Variants in TSPAN15 observed in about 807,000 individuals in gnomAD.
TSPAN15 encodes the protein tetraspanin 15, also known as tetraspanin-15.
A neutral mutation model predicts 34.5 loss-of-function variants in TSPAN15; 20 were observed. The ratio of observed to expected loss-of-function variants is 0.58; its 90% confidence interval spans 0.41 to 0.84. TSPAN15 has a LOEUF of 0.84. TSPAN15 is among the 40% of genes least tolerant of loss of function. The pLI is 0.00. For synonymous variants in TSPAN15, 155 were observed against 153.9 expected (o/e 1.01, Z -0.05); for missense variants, 313 against 386.1 (o/e 0.81, Z 1.59).
At position 69,507,133 on chromosome 10, in the gene TSPAN15, C is replaced by T; in HGVS notation, c.*155C>T. On this transcript the variant is annotated 3_prime_UTR_variant, in exon 8 of 8. Coordinates refer to ENST00000373290, the MANE Select transcript of TSPAN15 (RefSeq NM_012339.5). ...TGCCTGTGTGTAGGTCCCACGGCCT[C>T]TGCCTCCCCAGGGAGCAGAGCCTGG... The T allele has an allele frequency of 6.9e-7, 1 of 1,448,696 alleles. No homozygotes were observed. Among genetic ancestry groups the T allele is most frequent in the Non-Finnish European group, 9.0e-7 (1 of 1,105,860 alleles). 89.7% of individuals were successfully genotyped at this position (1,448,696 alleles called of 1,614,324 possible).
chr10:69,541,950 G>A, the TSPAN15 span, among the ~76,000 whole-genome samples: 9 of 152,200 alleles, frequency 5.9e-5, no homozygotes, highest in Non-Finnish European at 1.5e-5. Context: ...TTGTCTTGGT[G>A]ATTAACATTC....
intron 1 of TSPAN15, among the ~76,000 whole-genome samples, chr10:69,476,343 C>T (rs545335430): frequency 1.3e-5 from 2 of 152,196 alleles, no homozygotes; most frequent in South Asian, 4.1e-4. Context: ...GGGGTCATAG[C>T]AGATCAGTGG....
At chr10:69,537,891 A>G in the TSPAN15 span, among the ~76,000 whole-genome samples, 1 of 152,198 alleles carries the variant, frequency 6.6e-6, no homozygotes, top group African/African-American at 2.4e-5. Flanking sequence ...ACAAAATACC[A>G]TAGGCTGGGG....
At position 69,506,899 on chromosome 10, in the gene TSPAN15, C is replaced by A. The variant is rs1177248800; in HGVS notation, c.806C>A (p.Thr269Asn). Residue 269 changes from threonine to asparagine, a missense_variant, in exon 8 of 8, where the codon ACT becomes AAT. Thr to Asn is a moderately conservative substitution (Grantham distance 65). Transcript: ENST00000373290. This position sits in a 1 kb window ranked among gnomAD's most constrained non-coding sequence, Gnocchi z 4.7. ...GACATCATCATGGAGCACTCTGTCA[C>A]TGATGGGCTCCTGGGGCCCGGTGCC... is the stretch of plus-strand genomic sequence containing the variant. ...VEDIIMEHSV[T>N]DGLLGPGAKP... The A allele has an allele frequency of 6.8e-6, 11 of 1,607,750 alleles. No individual in the cohort carries two copies. Among genetic ancestry groups the A allele is most frequent in the Non-Finnish European group, 8.5e-6 (10 of 1,177,720 alleles).
At chr10:69,495,353 T>G in intron 3 of TSPAN15, 1 of 487,194 alleles carries the variant, frequency 2.1e-6, no homozygotes, top group Non-Finnish European at 3.7e-6. Context: ...TGGAGTGAAT[T>G]ACTCCTGCTG....
At position 69,483,703 on chromosome 10, in the gene TSPAN15, C is replaced by T; in HGVS notation, c.109C>T (p.Leu37=). ...YSTVFWLIGA[L]VLSVGIYAEV... The stretch of plus-strand genomic sequence containing the variant: ...TTTCTTGCTGCAGCTGATTGGGGCC[C>T]TGGTCCTGTCTGTGGGCATCTATGC... Residue 37 remains leucine, a synonymous_variant, in exon 2 of 8, where the codon CTG becomes TTG. Coordinates refer to ENST00000373290, the MANE Select transcript of TSPAN15 (RefSeq NM_012339.5). The T allele has an allele frequency of 1.9e-6, 3 of 1,613,914 alleles. No individual in the cohort carries two copies. The highest frequency in any genetic ancestry group is 2.5e-6 in the Non-Finnish European group (3 of 1,179,836).
At chr10:69,522,185 C>G in the TSPAN15 span, among the ~76,000 whole-genome samples, 2 of 145,690 alleles carry the variant, frequency 1.4e-5, no homozygotes, top group Non-Finnish European at 1.5e-5. Flanking sequence ...ATGGCAAAAC[C>G]CTGTCTCTAC....
chr10:69,529,040 G>A, the TSPAN15 span, among the ~76,000 whole-genome samples: 1 of 148,288 alleles, frequency 6.7e-6, no homozygotes, highest in Non-Finnish European at 1.5e-5. Context: ...CCAGGAATTT[G>A]TCTGCTGTTC....
chr10:69,542,775 G>A, the TSPAN15 span, among the ~76,000 whole-genome samples: 1 of 152,152 alleles, frequency 6.6e-6, no homozygotes, highest in East Asian at 1.9e-4. Flanking sequence ...CCTCCCACTG[G>A]GTCCCTCCTA....
At chr10:69,500,933 G>A (rs1842192376) in intron 5 of TSPAN15, among the ~76,000 whole-genome samples, 1 of 152,136 alleles carries the variant, frequency 6.6e-6, no homozygotes, top group African/African-American at 2.4e-5. Flanking sequence ...GCTTGGAGCT[G>A]GGTGGTGGTG....
At chr10:69,523,490 C>T in the TSPAN15 span, 1 of 519,012 alleles carries the variant, frequency 1.9e-6, no homozygotes, top group South Asian at 1.6e-5. Flanking sequence ...CCTAACAGGG[C>T]CAGACTGTGT....
chr10:69,499,127 A>G (rs546221118), intron 5 of TSPAN15, among the ~76,000 whole-genome samples: 12 of 152,378 alleles, frequency 7.9e-5, no homozygotes, highest in African/African-American at 2.9e-4. Context: ...GAAAGGCTTC[A>G]TCAGTCCTTG....
chr10:69,467,660 ACACACACACACAC>A (rs1408592786), intron 1 of TSPAN15, among the ~76,000 whole-genome samples: 8 of 151,772 alleles, frequency 5.3e-5, no homozygotes, highest in East Asian at 1.9e-4. Flanking sequence ...ACACACACAC[ACACACACACACAC>A]ACCTCTTCTT....
intron 3 of TSPAN15, among the ~76,000 whole-genome samples, chr10:69,494,333 A>T (rs1327127692): frequency 6.6e-6 from 1 of 152,218 alleles, no homozygotes; most frequent in African/African-American, 2.4e-5. Flanking sequence ...ACAGACAAAA[A>T]TCTTGAATAA....
chr10:69,485,105 T>C (rs567737663), intron 2 of TSPAN15, 36 bp from the exon 3 acceptor site: 2 of 1,601,436 alleles, frequency 1.2e-6, no homozygotes, highest in South Asian at 1.1e-5. Flanking sequence ...CGCCCACTGC[T>C]CCTCTCCAGG....
At chr10:69,519,395 A>G in the TSPAN15 span, among the ~76,000 whole-genome samples, 1 of 152,138 alleles carries the variant, frequency 6.6e-6, no homozygotes, top group Non-Finnish European at 1.5e-5. Flanking sequence ...ACTCCAGCCT[A>G]GGTGACAGAG....
At chr10:69,462,692 C>T (rs1256210104) in intron 1 of TSPAN15, among the ~76,000 whole-genome samples, 2 of 152,182 alleles carry the variant, frequency 1.3e-5, no homozygotes, top group Non-Finnish European at 2.9e-5. Flanking sequence ...GAGTCGAAAC[C>T]ACAGCTCAGG....
At chr10:69,481,302 C>A (rs1434664853) in intron 1 of TSPAN15, among the ~76,000 whole-genome samples, 1 of 152,168 alleles carries the variant, frequency 6.6e-6, no homozygotes, top group African/African-American at 2.4e-5. Flanking sequence ...GAAAGGCATC[C>A]TTCTAGACTG....
In TSPAN15 at chr10:69,506,316, C is replaced by G; in HGVS notation, c.735+76C>G. The G allele has an allele frequency of 4.3e-6, 6 of 1,409,592 alleles. No individual in the cohort carries two copies. Among genetic ancestry groups the G allele is most frequent in the Non-Finnish European group, 6.0e-6 (6 of 1,003,448 alleles). 87.3% of individuals were successfully genotyped at this position (1,409,592 alleles called of 1,614,324 possible). On this transcript the variant is annotated intron_variant, in intron 7 of 7. Transcript: ENST00000373290. This position sits in a 1 kb window ranked among gnomAD's most constrained non-coding sequence, Gnocchi z 4.7. ...GCAGAGAAGGTGCAGAGGGGAAGAG[C>G]GAAGAGGCTTTTTTCATAGAAGTCC...
Sources: allele counts gnomAD v4.1 joint callset (sites outside exome capture counted in the v4.1 genomes callset), GRCh38; gene constraint gnomAD v4.1.1; non-coding constraint Gnocchi (gnomAD v3.1); transcripts MANE v1.5; gene names NCBI Gene and HGNC (gene_info 2026-07-23, HGNC 2026-07-21).